Variants in XIST observed in about 807,000 individuals in gnomAD.
XIST encodes the protein X inactive specific transcript.
At chrX:73,851,816 A>G (rs1254177451) in exon 1 of XIST, 1 of 559,013 alleles carries the variant, frequency 1.8e-6, no homozygotes. Context: ...CGGCAAGTCT[A>G]AAATGGCGGC....
rs779645018 is a variant in XIST, at chrX:73,850,488, A to C, written n.2236T>G. ...GACTGACATCCAAAAGATAAATATA[A>C]ATCAAAATCCGACCCCAGCATTAGC... On this transcript the variant is annotated non_coding_transcript_exon_variant, in exon 1 of 6. Transcript: ENST00000429829. 13 of 542,037 alleles carry C rather than the reference A, an allele frequency of 2.4e-5. 1 individual carries two copies. The highest frequency in any genetic ancestry group is 4.3e-5 in the Non-Finnish European group (13 of 303,007). The allele number at this position is 542,037 out of a possible 1,213,427, so 44.7% of individuals were successfully genotyped here. A position where few individuals can be genotyped will look rare whatever the true frequency, so the allele number is the denominator to read the frequency against.
rs753419212 is a variant in XIST, at chrX:73,843,419, C to A, written n.9305G>T. 16 of 556,447 alleles carry A rather than the reference C, an allele frequency of 2.9e-5. No homozygotes were observed. The South Asian group carries it at 3.6e-4, about 12-fold the overall frequency. The allele number at this position is 556,447 out of a possible 1,213,427, so 45.9% of individuals were successfully genotyped here. ...GAGATTATGAGTAGTTAACACTTCT[C>A]AGCAGCAATCCAAAGGGTAATGGGA... is the stretch of plus-strand genomic sequence containing the variant. On this transcript the variant is annotated non_coding_transcript_exon_variant, in exon 1 of 6. Transcript: ENST00000429829.
chrX:73,829,009 A>G, intron 5 of XIST: 1 of 494,187 alleles, frequency 2.0e-6, no homozygotes. Context: ...GCTCCCAAAA[A>G]ACAGCTGTTA....
At chrX:73,837,298 C>G in intron 2 of XIST, 1 of 361,451 alleles carries the variant, frequency 2.8e-6, no homozygotes, top group East Asian at 4.1e-5. Context: ...GGTCTTCCTC[C>G]TAAACACTCA....
At chrX:73,852,686 G>T (rs769420492) in exon 1 of XIST, 2 of 461,947 alleles carry the variant, frequency 4.3e-6, no homozygotes, top group Admixed American at 7.7e-5. Flanking sequence ...CAGTCAGGAA[G>T]CTTCCAGCCC....
exon 1 of XIST, chrX:73,850,113 G>C (rs1431333293): frequency 3.6e-6 from 2 of 558,953 alleles, no homozygotes; most frequent in Admixed American, 2.2e-5. Flanking sequence ...GCCTGGACCT[G>C]TGTAAACCTT....
At chrX:73,847,226 T>A in exon 1 of XIST, 1 of 558,155 alleles carries the variant, frequency 1.8e-6, no homozygotes, top group Non-Finnish European at 3.2e-6. Flanking sequence ...AGTTAGAAGC[T>A]CCTGCAGTAA....
chrX:73,847,005 G>C (rs1035844931), exon 1 of XIST: 1 of 559,043 alleles, frequency 1.8e-6, no homozygotes, highest in Admixed American at 2.2e-5. Context: ...ATAAGTACAG[G>C]AGTCCTGATA....
exon 1 of XIST, chrX:73,852,648 G>T (rs754055229): frequency 2.1e-6 from 1 of 487,289 alleles, no homozygotes; most frequent in South Asian, 2.9e-5. Flanking sequence ...AAATGTTCTA[G>T]AAAGAACCCC....
exon 1 of XIST, chrX:73,845,787 C>T (rs200117299): frequency 4.0e-4 from 217 of 544,920 alleles, no homozygotes; most frequent in Middle Eastern, 1.3e-3. Context: ...GGGGGCACTC[C>T]CTGCTGGAAG....
exon 6 of XIST, chrX:73,826,244 C>CT (rs768711387): frequency 1.8e-6 from 1 of 558,900 alleles, no homozygotes; most frequent in Non-Finnish European, 3.2e-6. Context: ...GAGCCTGGCA[C>CT]TTTTTTTTCC....
At chrX:73,838,209 G>C (rs747547287) in intron 1 of XIST, among the ~76,000 whole-genome samples, 28 of 111,179 alleles carry the variant, frequency 2.5e-4, no homozygotes, top group African/African-American at 9.1e-4. Flanking sequence ...TATGCCACTA[G>C]TTTTCAAAGC....
chrX:73,849,043 T>C (rs1922846658), exon 1 of XIST: 6 of 557,791 alleles, frequency 1.1e-5, no homozygotes, highest in Admixed American at 8.9e-5. Flanking sequence ...GGCCATAGTG[T>C]AACTAACAGA....
chrX:73,849,915 TA>T, exon 1 of XIST: 1 of 537,976 alleles, frequency 1.9e-6, no homozygotes, highest in East Asian at 3.3e-5. Flanking sequence ...GGGGCTAGAC[TA>T]GGGGTTTGCT....
At chrX:73,844,502 G>T (rs757915596) in exon 1 of XIST, 2 of 558,813 alleles carry the variant, frequency 3.6e-6, no homozygotes, top group Non-Finnish European at 6.5e-6. Context: ...ATTCAAATAG[G>T]ATAAGCCATG....
At chrX:73,841,842 C>T in exon 1 of XIST, 1 of 513,445 alleles carries the variant, frequency 1.9e-6, no homozygotes, top group South Asian at 2.5e-5. Context: ...GCATATGTTC[C>T]CTCATTTAAT....
In XIST at chrX:73,851,320, A is replaced by G. The variant is rs771570390; in HGVS notation, n.1404T>C. The G allele has an allele frequency of 9.0e-6, 5 of 557,836 alleles. No individual in the cohort carries two copies. The African/African-American group carries it at 1.1e-4, about 12-fold the overall frequency. 46.0% of individuals were successfully genotyped at this position (557,836 alleles called of 1,213,427 possible). A position where few individuals can be genotyped will look rare whatever the true frequency, so the allele number is the denominator to read the frequency against. On this transcript the variant is annotated non_coding_transcript_exon_variant, in exon 1 of 6. Transcript: ENST00000429829. ...TGCGGCAAAACCCAACACGAAAAGC[A>G]CACAGCAAAGACAAAGAGGCCCGCC...
At chrX:73,849,937 C>G in exon 1 of XIST, 1 of 552,399 alleles carries the variant, frequency 1.8e-6, no homozygotes, top group East Asian at 3.3e-5. Flanking sequence ...GGGAGCAGGG[C>G]TGGGGAGGAA....
At chrX:73,829,091 T>C (rs776635730) in exon 5 of XIST, 8 of 556,786 alleles carry the variant, frequency 1.4e-5, no homozygotes, top group Middle Eastern at 6.1e-4. Context: ...CCTCAAGTGC[T>C]AGAGTGCCAG....
Sources: gnomAD v4.1 joint callset for allele counts (sites outside exome capture counted in the v4.1 genomes callset) on GRCh38, gnomAD v4.1.1 for gene constraint, MANE v1.5 for transcripts, NCBI Gene and HGNC (gene_info 2026-07-23, HGNC 2026-07-21) for gene names.